The following LINGO1 variants were observed in gnomAD, a reference collection of about 807,000 sequenced individuals.
The protein encoded by LINGO1 is leucine rich repeat and Ig domain containing 1, also known as leucine-rich repeat and immunoglobulin-like domain-containing nogo receptor-interacting protein 1.
In LINGO1, 11 loss-of-function variants were observed where a neutral mutation model predicts 37.3. The observed-to-expected ratio is 0.29, with a 90% confidence interval of 0.19 to 0.49. The LOEUF (loss-of-function observed/expected upper bound fraction) is 0.49. Ranked by LOEUF, LINGO1 falls within the 20% of genes least tolerant of loss-of-function variation. LINGO1 has a pLI of 0.99. For missense variants in LINGO1, 585 were observed against 878.2 expected (o/e 0.67, Z 4.22); for synonymous variants, 387 against 403.0 (o/e 0.96, Z 0.48).
At chr15:77,704,523 T>G (rs1335334553) in intron 2 of LINGO1, among the ~76,000 whole-genome samples, 1 of 151,244 alleles carries the variant, frequency 6.6e-6, no homozygotes, top group African/African-American at 2.5e-5. Context: ...GATCACACGC[T>G]GAGCCCCAAC....
intron 3 of LINGO1, among the ~76,000 whole-genome samples, chr15:77,670,670 A>G (rs1405669976): frequency 6.6e-6 from 1 of 152,258 alleles, no homozygotes; most frequent in Non-Finnish European, 1.5e-5. Context: ...CCCAGGCTCA[A>G]GGTCATTTGC....
At chr15:77,633,022 G>A (rs537450924), upstream of LINGO1, among the ~76,000 whole-genome samples, 7 of 151,520 alleles carry the variant, frequency 4.6e-5, no homozygotes, top group South Asian at 1.5e-3. Flanking sequence ...GATGGTGGTG[G>A]TGGGGTGGGG....
chr15:77,806,307 T>G (rs1390601734), intron 1 of LINGO1, among the ~76,000 whole-genome samples: 2 of 151,986 alleles, frequency 1.3e-5, no homozygotes, highest in East Asian at 3.9e-4. Context: ...CGATTCCAAT[T>G]TATTTTCTAT....
rs1183010681 is a variant in LINGO1, at chr15:77,652,521, T to TGTGTGA, written c.-13+24567_-13+24568insTCACAC. 9.9e-5 allele frequency among the ~76,000 whole-genome samples: 15 copies of TGTGTGA among 151,140 alleles called. No homozygotes were observed. The South Asian group carries it at 2.9e-3, about 30-fold the overall frequency. On this transcript the variant is annotated intron_variant, in intron 3 of 3. Transcript: ENST00000559893. ...GTGTGTGTGTGTGTGTGTGTGTGTG[T>TGTGTGA]GTGTGTGTGTTGCCAGAATACGGAA... is the stretch of plus-strand genomic sequence containing the variant.
At chr15:77,687,410 C>T (rs1453246621) in intron 2 of LINGO1, among the ~76,000 whole-genome samples, 1 of 152,184 alleles carries the variant, frequency 6.6e-6, no homozygotes, top group East Asian at 1.9e-4. Flanking sequence ...CCACCTTACC[C>T]AGGGCTTTGA....
intron 3 of LINGO1, chr15:77,647,939 C>T: frequency 2.2e-6 from 1 of 453,510 alleles, no homozygotes; most frequent in Non-Finnish European, 4.4e-6. Context: ...TTGGTGCCAC[C>T]ATTGCTAACT....
intron 1 of LINGO1, chr15:77,819,175 GCGCGC>G (rs1393551784): frequency 7.0e-6 from 1 of 142,600 alleles, no homozygotes; most frequent in African/African-American, 2.6e-5. Flanking sequence ...CAGAGGCCGC[GCGCGC>G]CGCGCCGCCG....
chr15:77,703,186 C>T (rs564675077), intron 2 of LINGO1, among the ~76,000 whole-genome samples: 3 of 152,222 alleles, frequency 2.0e-5, no homozygotes, highest in African/African-American at 7.2e-5. Context: ...CCAACTCTCC[C>T]TGAGTCCCTT....
intron 3 of LINGO1, among the ~76,000 whole-genome samples, chr15:77,657,804 T>C (rs1041039985): frequency 6.6e-6 from 1 of 152,038 alleles, no homozygotes; most frequent in Non-Finnish European, 1.5e-5. Flanking sequence ...CCGCGGGGGC[T>C]TGAGGGAGGG....
chr15:77,753,404 A>C (rs2076389919), intron 1 of LINGO1, among the ~76,000 whole-genome samples: 1 of 152,206 alleles, frequency 6.6e-6, no homozygotes, highest in Admixed American at 6.5e-5. Context: ...TGTGGAGGCT[A>C]TGTTCAGCTG....
chr15:77,642,916 C>T (rs2074541585), intron 3 of LINGO1, among the ~76,000 whole-genome samples: 1 of 152,246 alleles, frequency 6.6e-6, no homozygotes, highest in East Asian at 1.9e-4. Context: ...TGCAGATGCA[C>T]AGAGAGGTGC....
intron 2 of LINGO1, among the ~76,000 whole-genome samples, chr15:77,708,591 A>C (rs944738408): frequency 6.6e-6 from 1 of 152,224 alleles, no homozygotes; most frequent in Non-Finnish European, 1.5e-5. Flanking sequence ...TCCTGATCCA[A>C]CGACTGATGT....
intron 1 of LINGO1, among the ~76,000 whole-genome samples, chr15:77,757,606 T>C (rs1194342489): frequency 6.6e-6 from 1 of 152,234 alleles, no homozygotes; most frequent in Non-Finnish European, 1.5e-5. Context: ...CTTGCAGGGT[T>C]CTATTCCCTC....
At chr15:77,664,176 C>CGT (rs1214804917) in intron 3 of LINGO1, among the ~76,000 whole-genome samples, 2 of 112,390 alleles carry the variant, frequency 1.8e-5, no homozygotes, top group Non-Finnish European at 3.8e-5. Flanking sequence ...TGTGTGCGCG[C>CGT]GCGCATGCGT....
intron 1 of LINGO1, among the ~76,000 whole-genome samples, chr15:77,630,282 C>A (rs545817372): frequency 6.6e-6 from 1 of 152,250 alleles, no homozygotes; most frequent in East Asian, 1.9e-4. Flanking sequence ...TATCTCCCAA[C>A]AGGAACACGC....
At chr15:77,671,358 G>C (rs2075245732) in intron 3 of LINGO1, among the ~76,000 whole-genome samples, 1 of 152,154 alleles carries the variant, frequency 6.6e-6, no homozygotes, top group African/African-American at 2.4e-5. Context: ...GAGAAGGGAG[G>C]AAGGAGGAGA....
chr15:77,662,706 G>A (rs2075022534), intron 3 of LINGO1, among the ~76,000 whole-genome samples: 1 of 152,186 alleles, frequency 6.6e-6, no homozygotes, highest in Non-Finnish European at 1.5e-5. Context: ...TCTGAAGCCA[G>A]AAGGTCTCTG....
At chr15:77,762,333 G>C (rs899354192) in intron 1 of LINGO1, among the ~76,000 whole-genome samples, 1 of 152,234 alleles carries the variant, frequency 6.6e-6, no homozygotes, top group African/African-American at 2.4e-5. Context: ...AGACTCAAAT[G>C]CAAGAGCAAA....
At chr15:77,818,558 G>A (rs2077067367) in intron 1 of LINGO1, among the ~76,000 whole-genome samples, 1 of 152,078 alleles carries the variant, frequency 6.6e-6, no homozygotes, top group Non-Finnish European at 1.5e-5. Flanking sequence ...AGGTCGGGTG[G>A]GGCGCGCCTT....
Sources: gnomAD v4.1 joint callset for allele counts (sites outside exome capture counted in the v4.1 genomes callset) on GRCh38, gnomAD v4.1.1 for gene constraint, MANE v1.5 for transcripts, NCBI Gene and HGNC (gene_info 2026-07-23, HGNC 2026-07-21) for gene names.